MAD1L1: variants seen among roughly 807,000 people sequenced by gnomAD.
MAD1L1 encodes the protein mitotic spindle assembly checkpoint protein MAD1.
Under a neutral mutation model 96.9 loss-of-function variants are expected in MAD1L1, and 95 were observed. The ratio of observed to expected loss-of-function variants is 0.98; its 90% CI spans 0.83 to 1.16. MAD1L1 has a LOEUF of 1.16. Among genes scored for constraint, MAD1L1 ranks in the 50% most tolerant of loss-of-function variants. The pLI is 0.00. For synonymous variants in MAD1L1, 473 were observed against 396.6 expected, an observed-to-expected ratio of 1.19 and a Z score of -2.29; for missense variants, 1,007 against 954.4, an observed-to-expected ratio of 1.06 and a Z score of -0.73.
chr7:2,076,595 G>A (rs1014593769), intron 11 of MAD1L1, among the ~76,000 whole-genome samples: 1 of 152,228 alleles, frequency 6.6e-6, no homozygotes, highest in South Asian at 2.1e-4. Flanking sequence ...GGGTCACACC[G>A]AGGCTTCCGG....
At chr7:2,140,695 G>A (rs1788986691) in intron 11 of MAD1L1, among the ~76,000 whole-genome samples, 1 of 152,234 alleles carries the variant, frequency 6.6e-6, no homozygotes, top group South Asian at 2.1e-4. Flanking sequence ...AACCTCGGCT[G>A]GAAAGCAATG....
At chr7:2,043,091 G>A (rs1207253850) in intron 12 of MAD1L1, among the ~76,000 whole-genome samples, 4 of 152,244 alleles carry the variant, frequency 2.6e-5, no homozygotes, top group South Asian at 4.2e-4. Context: ...TTGCTTATGC[G>A]AAGATATTTC....
intron 10 of MAD1L1, among the ~76,000 whole-genome samples, chr7:2,210,620 C>A (rs1026086315): frequency 1.3e-5 from 2 of 152,096 alleles, no homozygotes; most frequent in Non-Finnish European, 2.9e-5. Context: ...TGACGTCCAG[C>A]GTGAGTCACC....
chr7:2,093,489 C>T (rs1043299113), intron 11 of MAD1L1, among the ~76,000 whole-genome samples: 1 of 152,194 alleles, frequency 6.6e-6, no homozygotes, highest in Admixed American at 6.5e-5. Flanking sequence ...AGAGGGACGA[C>T]GGGAAACCTT....
At chr7:1,993,160 GC>G (rs558355214) in intron 14 of MAD1L1, among the ~76,000 whole-genome samples, 32 of 152,212 alleles carry the variant, frequency 2.1e-4, no homozygotes, top group Non-Finnish European at 4.3e-4. Flanking sequence ...CCTCATCCCC[GC>G]CCCCAACGCC....
At chr7:2,181,906 C>G (rs183715160) in intron 10 of MAD1L1, among the ~76,000 whole-genome samples, 1 of 152,180 alleles carries the variant, frequency 6.6e-6, no homozygotes, top group East Asian at 1.9e-4. Context: ...GGAGACCATT[C>G]TTCTAAGCGA....
chr7:2,106,149 G>T (rs1787087025), intron 11 of MAD1L1, among the ~76,000 whole-genome samples: 1 of 143,024 alleles, frequency 7.0e-6, no homozygotes, highest in South Asian at 2.4e-4. Context: ...CCCACCCCCA[G>T]CACAGGGCCC....
At position 1,980,442 on chromosome 7, in the gene MAD1L1, G is replaced by T. The variant is rs965701667; in HGVS notation, c.1505+11C>A. 7 of 1,607,580 alleles carry T rather than the reference G, an allele frequency of 4.4e-6. No homozygotes were observed. The East Asian group carries it at 1.1e-4, about 26-fold the overall frequency. On this transcript the variant is annotated intron_variant, in intron 15 of 18. Coordinates refer to ENST00000265854, the MANE Select transcript of MAD1L1 (RefSeq NM_001013836.2). ...ACCTGGGCGTGTCCGCCTCCTCTCTGGGGGACGTACCTGAGCGTGTCCGCC... is the reference window on the plus strand; with the variant it reads ...ACCTGGGCGTGTCCGCCTCCTCTCTTGGGGACGTACCTGAGCGTGTCCGCC...
intron 3 of MAD1L1, among the ~76,000 whole-genome samples, chr7:2,225,807 T>C (rs1193551379): frequency 6.6e-6 from 1 of 152,242 alleles, no homozygotes; most frequent in Non-Finnish European, 1.5e-5. Context: ...CGGCCTCGAA[T>C]GCCACCCATT....
intron 18 of MAD1L1, among the ~76,000 whole-genome samples, chr7:1,852,809 G>A (rs117314494): frequency 0.024 from 3,721 of 152,230 alleles, 103 homozygotes; most frequent in Admixed American, 0.072. Context: ...TGGGACCCTC[G>A]GGCTGCCCTC....
intron 7 of MAD1L1, among the ~76,000 whole-genome samples, chr7:2,216,623 C>T (rs1208178714): frequency 3.3e-5 from 5 of 152,202 alleles, no homozygotes; most frequent in African/African-American, 1.2e-4. Flanking sequence ...CTGCGTGACA[C>T]TGATGTGTCC....
At chr7:1,954,671 G>T (rs1488171202) in intron 16 of MAD1L1, among the ~76,000 whole-genome samples, 1 of 152,190 alleles carries the variant, frequency 6.6e-6, no homozygotes, top group East Asian at 1.9e-4. Context: ...TCAGAACACT[G>T]CAACACGTTC....
chr7:1,930,472 C>T (rs56836410), intron 17 of MAD1L1, among the ~76,000 whole-genome samples: 1 of 1,332 alleles, frequency 7.5e-4, no homozygotes, highest in African/African-American at 1.1e-3. Flanking sequence ...CCCACTGCCA[C>T]GTCCCCTCGC....
intron 11 of MAD1L1, among the ~76,000 whole-genome samples, chr7:2,092,472 T>C (rs1272632282): frequency 1.3e-5 from 2 of 152,056 alleles, no homozygotes; most frequent in Non-Finnish European, 2.9e-5. Context: ...GTTGACTGTC[T>C]TTTCAACCAC....
chr7:2,160,192 G>A (rs1323154930), intron 10 of MAD1L1, among the ~76,000 whole-genome samples: 3 of 151,010 alleles, frequency 2.0e-5, no homozygotes, highest in African/African-American at 4.9e-5. Context: ...GATCGCGCAC[G>A]GCACTCCAGC....
At chr7:2,161,753 C>T (rs1047242538) in intron 10 of MAD1L1, among the ~76,000 whole-genome samples, 1 of 151,412 alleles carries the variant, frequency 6.6e-6, no homozygotes, top group Non-Finnish European at 1.5e-5. Flanking sequence ...TCTGCCTGGC[C>T]GCGACCCCAT....
intron 12 of MAD1L1, among the ~76,000 whole-genome samples, chr7:2,026,490 T>A (rs1209176805): frequency 6.6e-6 from 1 of 152,208 alleles, no homozygotes; most frequent in Non-Finnish European, 1.5e-5. Flanking sequence ...AATTGCAGAA[T>A]ACATACTATT....
intron 10 of MAD1L1, among the ~76,000 whole-genome samples, chr7:2,193,679 C>T (rs911995187): frequency 1.9e-4 from 29 of 152,186 alleles, no homozygotes; most frequent in African/African-American, 6.5e-4. Flanking sequence ...AACACGGCCG[C>T]GGGTAACTCC....
intron 11 of MAD1L1, among the ~76,000 whole-genome samples, chr7:2,074,953 GGGCCCGA>G (rs1303498959): frequency 1.3e-5 from 2 of 152,198 alleles, no homozygotes; most frequent in Non-Finnish European, 2.9e-5. Flanking sequence ...TCAGCCCAGT[GGGCCCGA>G]GGTTGGGCCA....
Sources: gnomAD v4.1 joint callset for allele counts (sites outside exome capture counted in the v4.1 genomes callset) on GRCh38, gnomAD v4.1.1 for gene constraint, MANE v1.5 for transcripts, NCBI Gene and HGNC (gene_info 2026-07-23, HGNC 2026-07-21) for gene names.